The following UBE3B variants were observed in gnomAD, a reference collection of about 807,000 sequenced individuals.
UBE3B encodes the protein ubiquitin protein ligase E3B.
UBE3B carries 80 observed loss-of-function variants against 132.3 expected under a neutral mutation model. The ratio of observed to expected loss-of-function variants is 0.60; its 90% CI spans 0.50 to 0.73. The LOEUF (loss-of-function observed/expected upper bound fraction) is 0.73. Among genes scored for constraint, UBE3B ranks in the 30% least tolerant of loss-of-function variants. UBE3B has a pLI of 0.00. For synonymous variants in UBE3B, 487 were observed against 520.4 expected, an observed-to-expected ratio of 0.94 and a Z score of 0.87; for missense variants, 1,196 against 1,362.5, an observed-to-expected ratio of 0.88 and a Z score of 1.92.
chr12:109,479,745 G>A (rs1042603601), intron 1 of UBE3B, among the ~76,000 whole-genome samples: 1 of 152,218 alleles, frequency 6.6e-6, no homozygotes, highest in Non-Finnish European at 1.5e-5. Context: ...TAACATTGCT[G>A]AAGGGATAAT....
Position 109,534,625 on chromosome 12 carries a change from GCTT to G in UBE3B, c.3055_3057del (p.Phe1019del). On this transcript the variant is annotated inframe_deletion, in exon 28 of 28. Transcript: ENST00000342494. The surrounding 1 kb of genome is among the most constrained non-coding windows in gnomAD (Gnocchi z 5.2). ...GACACTCTGGGCAGCGTCCTCCGGG[GCTT>G]CTTCACCATCCGCAAGCGGGAGCCA... 2 of 1,611,486 alleles carry G rather than the reference GCTT, an allele frequency of 1.2e-6. No individual in the cohort carries two copies. Among genetic ancestry groups the G allele is most frequent in the Non-Finnish European group, 1.7e-6 (2 of 1,178,794 alleles).
At chr12:109,518,467 C>A (rs1013986089) in intron 19 of UBE3B, among the ~76,000 whole-genome samples, 3 of 152,206 alleles carry the variant, frequency 2.0e-5, no homozygotes, top group African/African-American at 7.2e-5. Flanking sequence ...CTGTGGGCCA[C>A]CCATTTGCAA....
rs563163856 is a variant in UBE3B, at chr12:109,530,002, A to T, written c.2740A>T (p.Met914Leu). ...CATTATCAAACCCGAGTGGATCCGA[A>T]TGTTCTCAACTCCTGAACTGCAGCG... The part of the protein sequence containing the change: ...RSIIKPEWIR[M>L]FSTPELQRLI... Residue 914 changes from methionine (M) to leucine (L), a missense_variant, in exon 25 of 28, where the codon ATG becomes TTG. Physicochemically the swap from Met to Leu is conservative, Grantham distance 15. Coordinates refer to ENST00000342494, the MANE Select transcript of UBE3B (RefSeq NM_130466.4). 2 of 1,613,770 alleles carry T rather than the reference A, an allele frequency of 1.2e-6. No homozygotes were observed. Among genetic ancestry groups the T allele is most frequent in the Admixed American group, 3.3e-5 (2 of 59,964 alleles).
chr12:109,493,992 AT>A (rs1377379195), intron 9 of UBE3B, among the ~76,000 whole-genome samples: 1 of 152,052 alleles, frequency 6.6e-6, no homozygotes, highest in Non-Finnish European at 1.5e-5. Flanking sequence ...TAATTTTTTT[AT>A]TTTTAAAATT....
chr12:109,488,076 T>C (rs779588646), intron 6 of UBE3B, among the ~76,000 whole-genome samples: 1 of 152,242 alleles, frequency 6.6e-6, no homozygotes, highest in Non-Finnish European at 1.5e-5. Context: ...AATCCATTTA[T>C]TTCTCACAAC....
the UBE3B span, among the ~76,000 whole-genome samples, chr12:109,545,139 C>G: frequency 1.3e-5 from 2 of 152,234 alleles, no homozygotes; most frequent in African/African-American, 4.8e-5. Context: ...GTCCCACTGA[C>G]TCTCCTGACC....
chr12:109,501,323 C>G (rs758033351), intron 12 of UBE3B, 48 bp from the exon 13 acceptor site: 29 of 1,609,714 alleles, frequency 1.8e-5, no homozygotes, highest in Non-Finnish European at 2.2e-5. Context: ...GGCCCTGGCC[C>G]TGCATCAGAT....
chr12:109,534,384 C>T lies in UBE3B; in HGVS notation c.3016-207C>T, dbSNP rs1229922868. ...TTAGTGCAGGAATTCTCTGTGCAGG[C>T]CCCAGGGAGAAGGGGTTCCTTCTCT... On this transcript the variant is annotated intron_variant, in intron 27 of 27. Coordinates refer to ENST00000342494, the MANE Select transcript of UBE3B (RefSeq NM_130466.4). This position sits in a 1 kb window ranked among gnomAD's most constrained non-coding sequence, Gnocchi z 5.2. 7.1e-7 allele frequency: 1 copy of T among 1,415,654 alleles called. No individual in the cohort carries two copies. The highest frequency in any genetic ancestry group is 9.2e-7 in the Non-Finnish European group (1 of 1,091,234). The allele number at this position is 1,415,654 out of a possible 1,614,324, so 87.7% of individuals were successfully genotyped here. A position where few individuals can be genotyped will look rare whatever the true frequency, so the allele number is the denominator to read the frequency against.
rs997034647 is a variant in UBE3B, at chr12:109,486,592, A to C, written c.447+17A>C. The C allele has an allele frequency of 3.9e-6, 6 of 1,551,798 alleles. No homozygotes were observed. The highest frequency in any genetic ancestry group is 5.2e-6 in the Non-Finnish European group (6 of 1,151,306). ...CAGCTCAAGGTAACAAAAAAAAAAA[A>C]AAAAAAAAAAAGCAAAACCAGAAAC... is the stretch of plus-strand genomic sequence containing the variant. On this transcript the variant is annotated intron_variant, in intron 6 of 27. Transcript: ENST00000342494.
At chr12:109,512,493 C>G (rs1592938228) in intron 18 of UBE3B, among the ~76,000 whole-genome samples, 1 of 152,114 alleles carries the variant, frequency 6.6e-6, no homozygotes, top group East Asian at 1.9e-4. Context: ...CTGGAAATGT[C>G]CGATGCTGCG....
rs914609658 is a variant in UBE3B, at chr12:109,522,529, G to A, written c.2364+978G>A. Among the ~76,000 whole-genome samples the A allele has an allele frequency of 3.9e-5, 6 of 152,346 alleles. No homozygotes were observed. The highest frequency in any genetic ancestry group is 2.1e-4 in the South Asian group (1 of 4,830). ...TCTGCTGAGCTTCTGGCCCAAGCAC[G>A]GAGGAAGCGAGCCACCTGGGCAGCA... On this transcript the variant is annotated intron_variant, in intron 21 of 27. Coordinates refer to ENST00000342494, the MANE Select transcript of UBE3B (RefSeq NM_130466.4). This position sits in a 1 kb window ranked among gnomAD's most constrained non-coding sequence, Gnocchi z 4.2.
rs776429830 is a variant in UBE3B at position 109,534,645 on chromosome 12, C to T, written c.3070C>T (p.Arg1024Trp). ...VLRGFFTIRK[R>W]EPGGRLPTSS... ...CCGGGGCTTCTTCACCATCCGCAAG[C>T]GGGAGCCAGGCGGCCGCCTGCCCAC... Residue 1024 changes from arginine (R) to tryptophan (W), a missense_variant, in exon 28 of 28, where the codon CGG becomes TGG. Physicochemically the swap from Arg to Trp is moderately radical, Grantham distance 101 (BLOSUM62 -3). Transcript: ENST00000342494. This position sits in a 1 kb window ranked among gnomAD's most constrained non-coding sequence, Gnocchi z 5.2. The T allele has an allele frequency of 6.8e-6, 11 of 1,611,866 alleles. No individual in the cohort carries two copies. The highest frequency in any genetic ancestry group is 3.3e-5 in the Admixed American group (2 of 59,702).
the UBE3B span, among the ~76,000 whole-genome samples, chr12:109,543,884 G>A: frequency 6.6e-6 from 1 of 152,006 alleles, no homozygotes; most frequent in Non-Finnish European, 1.5e-5. Context: ...AGCCAGAGAT[G>A]GTACCATAAG....
chr12:109,513,935 A>G (rs1289916026), intron 18 of UBE3B, among the ~76,000 whole-genome samples: 2 of 152,178 alleles, frequency 1.3e-5, no homozygotes, highest in Admixed American at 6.5e-5. Flanking sequence ...GCCCTCTGCC[A>G]TTGAAATATT....
At position 109,496,755 on chromosome 12, in the gene UBE3B, G is replaced by A. The variant is rs570622430; in HGVS notation, c.714-1063G>A. Among the ~76,000 whole-genome samples the A allele has an allele frequency of 3.9e-5, 6 of 152,298 alleles. No homozygotes were observed. The South Asian group carries it at 1.2e-3, about 32-fold the overall frequency. On this transcript the variant is annotated intron_variant, in intron 9 of 27. Transcript: ENST00000342494. ...ATGTTTCATCTTTTATGAGAGTTGT[G>A]AGTTCTTTATATGCTCTAGATACAA...
intron 1 of UBE3B, among the ~76,000 whole-genome samples, chr12:109,478,495 T>G (rs1396450142): frequency 6.6e-6 from 1 of 152,200 alleles, no homozygotes; most frequent in Non-Finnish European, 1.5e-5. Flanking sequence ...AATTAGATTA[T>G]TGAGGCTGGC....
Position 109,501,407 on chromosome 12 carries a change from G to A in UBE3B, c.1155G>A (p.Leu385=). ...CAATGCACTTGATCACCAAACAGCTGCAGTTCTTGTGGGGGGTGCCTCTGA... is the reference window on the plus strand; with the variant it reads ...CAATGCACTTGATCACCAAACAGCTACAGTTCTTGTGGGGGGTGCCTCTGA... The part of the protein sequence containing the change: ...NESMHLITKQ[L]QFLWGVPLIR... Residue 385 remains leucine, a synonymous_variant, in exon 13 of 28, where the codon CTG becomes CTA. Coordinates refer to ENST00000342494, the MANE Select transcript of UBE3B (RefSeq NM_130466.4). The A allele has an allele frequency of 6.2e-7, 1 of 1,614,130 alleles. No homozygotes were observed. Among genetic ancestry groups the A allele is most frequent in the South Asian group, 1.1e-5 (1 of 91,082 alleles).
intron 13 of UBE3B, 46 bp downstream of exon 13, chr12:109,501,580 A>C (rs1312365622): frequency 6.3e-7 from 1 of 1,583,920 alleles, no homozygotes; most frequent in African/African-American, 1.4e-5. Flanking sequence ...ACTTGGCTGA[A>C]GTACAGCTCC....
At position 109,533,481 on chromosome 12, in the gene UBE3B, T is replaced by C; in HGVS notation, c.2938T>C (p.Ser980Pro). Residue 980 changes from serine (S) to proline (P), a missense_variant, in exon 27 of 28, where the codon TCC becomes CCC. Coordinates refer to ENST00000342494, the MANE Select transcript of UBE3B (RefSeq NM_130466.4). Reference protein sequence around the residue: ...AMFLKFVTSCSRPPLLGFAYL... With the variant: ...AMFLKFVTSCPRPPLLGFAYL... ...TGTGTTGCAGTTCGTGACCAGCTGC[T>C]CCAGACCCCCGCTCCTGGGATTCGC... 1 of 1,614,094 alleles carries C rather than the reference T, an allele frequency of 6.2e-7. No individual in the cohort carries two copies. The highest frequency in any genetic ancestry group is 8.5e-7 in the Non-Finnish European group (1 of 1,180,002).
Sources: allele counts gnomAD v4.1 joint callset (sites outside exome capture counted in the v4.1 genomes callset), GRCh38; gene constraint gnomAD v4.1.1; non-coding constraint Gnocchi (gnomAD v3.1); transcripts MANE v1.5; gene names NCBI Gene and HGNC (gene_info 2026-07-23, HGNC 2026-07-21).